Variants in NOX4 observed in about 807,000 individuals in gnomAD.
The protein encoded by NOX4 is NADPH oxidase 4.
In NOX4, 69 loss-of-function variants were observed where a neutral mutation model predicts 87.6. The observed-to-expected ratio is 0.79, with a 90% CI of 0.65 to 0.96. The LOEUF (loss-of-function observed/expected upper bound fraction) is 0.96. Ranked by LOEUF, NOX4 falls within the 40% of genes least tolerant of loss-of-function variation. The probability of loss-of-function intolerance (pLI) is 0.00; values close to 1 mark genes in which losing one functional copy is unlikely to be tolerated. For synonymous variants in NOX4, 275 were observed against 238.2 expected (o/e 1.15, Z -1.42); for missense variants, 680 against 681.5 (o/e 1.00, Z 0.02).
intron 5 of NOX4, among the ~76,000 whole-genome samples, chr11:89,441,110 A>T (rs78566589): frequency 0.022 from 3,373 of 152,300 alleles, 133 homozygotes; most frequent in African/African-American, 0.077. Context: ...GCATCACAAG[A>T]TGTGAAGACA....
intron 2 of NOX4, among the ~76,000 whole-genome samples, chr11:89,452,624 T>C (rs899677711): frequency 1.1e-4 from 16 of 152,156 alleles, no homozygotes; most frequent in Non-Finnish European, 2.2e-4. Flanking sequence ...TTAATACATG[T>C]ATGCATCATG....
the NOX4 span, among the ~76,000 whole-genome samples, chr11:89,553,936 C>A: frequency 7.3e-5 from 11 of 150,888 alleles, no homozygotes; most frequent in Admixed American, 1.3e-4. Flanking sequence ...AAGTGCCTAC[C>A]CAAGTTAGAC....
At position 89,402,355 on chromosome 11, in the gene NOX4, C is replaced by T. The variant is rs147156883; in HGVS notation, c.817G>A (p.Glu273Lys). 4 of 1,613,054 alleles carry T rather than the reference C, an allele frequency of 2.5e-6. No homozygotes were observed. Among genetic ancestry groups the T allele is most frequent in the East Asian group, 4.5e-5 (2 of 44,800 alleles). ...QHKFVKICME[E>K]PRFQANFPQT... ...GGAAAATTAGCTTGGAATCTGGGCT[C>T]TTCCATACAAATCTTCACAAATTTG... is the stretch of plus-strand genomic sequence containing the variant. Residue 273 changes from glutamate to lysine, a missense_variant, in exon 9 of 18, where the codon GAG becomes AAG. Glu to Lys is a moderately conservative substitution (Grantham distance 56). Coordinates refer to ENST00000263317, the MANE Select transcript of NOX4 (RefSeq NM_016931.5).
chr11:89,561,054 T>TC, the NOX4 span, among the ~76,000 whole-genome samples: 2 of 86,102 alleles, frequency 2.3e-5, no homozygotes, highest in Non-Finnish European at 4.4e-5. Context: ...ATCATACATA[T>TC]ATATATATAT....
chr11:89,555,503 G>C, the NOX4 span, among the ~76,000 whole-genome samples: 1 of 152,070 alleles, frequency 6.6e-6, no homozygotes, highest in African/African-American at 2.4e-5. Context: ...AGAGTTTTTA[G>C]TGTGCTTTCT....
chr11:89,423,683 T>G (rs778352874), intron 7 of NOX4, among the ~76,000 whole-genome samples: 2 of 151,982 alleles, frequency 1.3e-5, no homozygotes, highest in African/African-American at 2.4e-5. Context: ...TGGAATCACT[T>G]TGCTAAATTA....
intron 11 of NOX4, among the ~76,000 whole-genome samples, chr11:89,388,448 G>A (rs557157299): frequency 6.6e-6 from 1 of 152,142 alleles, no homozygotes; most frequent in African/African-American, 2.4e-5. Context: ...TTGGCCCCCT[G>A]ACTTCAAGAC....
At chr11:89,437,006 AG>A (rs1274756799) in intron 6 of NOX4, among the ~76,000 whole-genome samples, 5 of 152,104 alleles carry the variant, frequency 3.3e-5, no homozygotes, top group Non-Finnish European at 7.4e-5. Flanking sequence ...CAACACACAG[AG>A]ATAGAAGACT....
chr11:89,580,307 C>T, the NOX4 span, among the ~76,000 whole-genome samples: 1 of 152,162 alleles, frequency 6.6e-6, no homozygotes, highest in South Asian at 2.1e-4. Context: ...ACCTCATCGT[C>T]CTAAAGAGCT....
chr11:89,378,247 C>T (rs146000305), intron 11 of NOX4, among the ~76,000 whole-genome samples: 39 of 152,262 alleles, frequency 2.6e-4, no homozygotes, highest in African/African-American at 8.2e-4. Flanking sequence ...TTGAGCTAAA[C>T]GAATACTTAT....
chr11:89,351,948 C>A (rs1302570777), intron 13 of NOX4, among the ~76,000 whole-genome samples: 1 of 152,106 alleles, frequency 6.6e-6, no homozygotes, highest in East Asian at 1.9e-4. Context: ...AAAATAATGA[C>A]TTTTGCAGCA....
In NOX4 at chr11:89,463,549, A is replaced by G. The variant is rs148309780; in HGVS notation, c.154-11654T>C. ...TGCTTTTCTTATCTTGAATTTGTTC[A>G]CGTGCTTGATATTTCCAACTTAACT... On this transcript the variant is annotated intron_variant, in intron 2 of 17. Coordinates refer to ENST00000263317, the MANE Select transcript of NOX4 (RefSeq NM_016931.5). 7.9e-5 allele frequency among the ~76,000 whole-genome samples: 12 copies of G among 152,116 alleles called. No individual in the cohort carries two copies. The East Asian group carries it at 2.3e-3, about 29-fold the overall frequency.
rs111971665 is a variant in NOX4 at position 89,342,199 on chromosome 11, G to A, written c.1218-6C>T. 4.3e-3 allele frequency: 6,941 copies of A among 1,595,948 alleles called. 250 individuals are homozygous for A. In the African/African-American group the frequency reaches 0.085, roughly 19 times the overall value. On this transcript the variant is annotated splice_polypyrimidine_tract_variant and splice_region_variant and intron_variant, in intron 13 of 17. Coordinates refer to ENST00000263317, the MANE Select transcript of NOX4 (RefSeq NM_016931.5). ...AAGGACCATCAATATACAGCCTGTAGAGCAGTCAGAAAAAGGTGGGAAAAA... is the reference window on the plus strand; with the variant it reads ...AAGGACCATCAATATACAGCCTGTAAAGCAGTCAGAAAAAGGTGGGAAAAA...
chr11:89,372,408 G>C (rs1349830139), intron 12 of NOX4, among the ~76,000 whole-genome samples: 1 of 151,904 alleles, frequency 6.6e-6, no homozygotes, highest in African/African-American at 2.4e-5. Context: ...CAAAATCTTT[G>C]CTTTTGTTTG....
At chr11:89,434,335 C>T (rs79384235) in intron 6 of NOX4, among the ~76,000 whole-genome samples, 5,273 of 152,152 alleles carry the variant, frequency 0.035, 324 homozygotes, top group African/African-American at 0.12. Context: ...CACCTCCTCA[C>T]TTTCCCAGTA....
At chr11:89,419,400 A>G (rs1428848819) in intron 8 of NOX4, among the ~76,000 whole-genome samples, 1 of 152,070 alleles carries the variant, frequency 6.6e-6, no homozygotes, top group Admixed American at 6.6e-5. Flanking sequence ...ACTTAATTAT[A>G]AGCCAATCCT....
Position 89,489,096 on chromosome 11 carries a change from G to A in NOX4, c.153+1362C>T, listed in dbSNP as rs1946743544. On this transcript the variant is annotated intron_variant, in intron 2 of 17. Coordinates refer to ENST00000263317, the MANE Select transcript of NOX4 (RefSeq NM_016931.5). Reference sequence around the variant, plus strand: ...ACCTAGAAGTTAAACTTTATAAAGTGTGTGATCAACAGATTATGATATTAC... The same window carrying A: ...ACCTAGAAGTTAAACTTTATAAAGTATGTGATCAACAGATTATGATATTAC... 7.5e-6 allele frequency: 5 copies of A among 669,182 alleles called. No homozygotes were observed. In the South Asian group the frequency reaches 8.2e-5, roughly 11 times the overall value. 41.5% of individuals were successfully genotyped at this position (669,182 alleles called of 1,614,324 possible).
intron 4 of NOX4, among the ~76,000 whole-genome samples, chr11:89,448,725 A>G (rs1944819123): frequency 6.6e-6 from 1 of 151,996 alleles, no homozygotes; most frequent in Non-Finnish European, 1.5e-5. Context: ...CTACAAAAAA[A>G]TACAAAAACT....
chr11:89,344,554 A>C (rs1049226662), intron 13 of NOX4, among the ~76,000 whole-genome samples: 3 of 152,120 alleles, frequency 2.0e-5, no homozygotes, highest in African/African-American at 7.2e-5. Context: ...AGTGTCCAAA[A>C]ATTTTTTCTT....
Sources: gnomAD v4.1 joint callset for allele counts (sites outside exome capture counted in the v4.1 genomes callset) on GRCh38, gnomAD v4.1.1 for gene constraint, MANE v1.5 for transcripts, NCBI Gene and HGNC (gene_info 2026-07-23, HGNC 2026-07-21) for gene names.